Variants in KLHL3 observed in about 807,000 individuals in gnomAD.
KLHL3 encodes kelch like family member 3.
In KLHL3, 19 loss-of-function variants were observed where a neutral mutation model predicts 70.5. The ratio of observed to expected loss-of-function variants is 0.27; its 90% confidence interval spans 0.19 to 0.40. The LOEUF is 0.40. Ranked by LOEUF, KLHL3 falls within the 10% of genes least tolerant of loss-of-function variation. The pLI is 1.00. For synonymous variants in KLHL3, 258 were observed against 290.3 expected, an observed-to-expected ratio of 0.89 and a Z score of 1.13; for missense variants, 512 against 771.1, an observed-to-expected ratio of 0.66 and a Z score of 3.98.
intron 13 of KLHL3, among the ~76,000 whole-genome samples, chr5:137,626,988 T>C (rs6884515): frequency 0.56 from 84,116 of 151,074 alleles, 24,984 homozygotes; most frequent in South Asian, 0.65. Flanking sequence ...GAGAGCGAGA[T>C]CCTGTCTCAA....
chr5:137,622,422 C>T (rs1750335876), intron 14 of KLHL3, among the ~76,000 whole-genome samples: 1 of 152,246 alleles, frequency 6.6e-6, no homozygotes, highest in South Asian at 2.1e-4. Context: ...CCAGCCCTAG[C>T]ACCCAGCCCA....
chr5:137,688,439 C>T (rs534351664), intron 5 of KLHL3, among the ~76,000 whole-genome samples: 108 of 152,314 alleles, frequency 7.1e-4, no homozygotes, highest in Non-Finnish European at 1.2e-3. Context: ...ATGGCGCTTC[C>T]TCTATCCCAA....
intron 8 of KLHL3, among the ~76,000 whole-genome samples, chr5:137,640,987 G>C (rs889423782): frequency 2.2e-4 from 33 of 152,134 alleles, no homozygotes; most frequent in African/African-American, 7.5e-4. Context: ...GCAAGGGCAT[G>C]GTCAAACACA....
intron 3 of KLHL3, chr5:137,707,538 C>A (rs1219082020): frequency 6.5e-6 from 1 of 154,094 alleles, no homozygotes; most frequent in Non-Finnish European, 1.5e-5. Flanking sequence ...AGATATAAAC[C>A]ATACTCTTAC....
intron 7 of KLHL3, chr5:137,661,616 C>A (rs1751477432): frequency 4.1e-6 from 1 of 244,590 alleles, no homozygotes; most frequent in African/African-American, 2.2e-5. Flanking sequence ...CTCACAACAA[C>A]CCTGCTGGGC....
At chr5:137,722,124 T>C (rs1753008114) in intron 1 of KLHL3, among the ~76,000 whole-genome samples, 1 of 152,222 alleles carries the variant, frequency 6.6e-6, no homozygotes, top group Non-Finnish European at 1.5e-5. Context: ...TGAGCCTCTA[T>C]CCATGCTACC....
chr5:137,734,726 A>C (rs1753233784), intron 1 of KLHL3, among the ~76,000 whole-genome samples: 1 of 152,238 alleles, frequency 6.6e-6, no homozygotes, highest in Admixed American at 6.5e-5. Context: ...TTCTCTCCTC[A>C]GATAAAATGG....
intron 2 of KLHL3, among the ~76,000 whole-genome samples, chr5:137,719,424 T>C (rs561673754): frequency 1.3e-5 from 2 of 152,308 alleles, no homozygotes; most frequent in East Asian, 1.9e-4. Flanking sequence ...AGAAAAAAGA[T>C]GAAATAAACA....
At chr5:137,711,771 C>T (rs1374774198) in intron 2 of KLHL3, among the ~76,000 whole-genome samples, 1 of 152,142 alleles carries the variant, frequency 6.6e-6, no homozygotes, top group East Asian at 1.9e-4. Context: ...ATTACAGGTG[C>T]CATCTGAAAA....
chr5:137,618,677 T>C lies in KLHL3; in HGVS notation c.*3421A>G, dbSNP rs1756298835. The C allele has an allele frequency of 6.6e-6, 1 of 150,694 alleles. No individual in the cohort carries two copies. Among genetic ancestry groups the C allele is most frequent in the South Asian group, 2.1e-4 (1 of 4,784 alleles). The allele number at this position is 150,694 out of a possible 1,614,324, so 9.3% of individuals were successfully genotyped here. A position where few individuals can be genotyped will look rare whatever the true frequency, so the allele number is the denominator to read the frequency against. On this transcript the variant is annotated 3_prime_UTR_variant, in exon 15 of 15. Transcript: ENST00000309755. ...CAGGCCTTTCCCTGAGGCTTCTCCA[T>C]GCCACAGGGTACCAGGCTCAGTGCC... is the stretch of plus-strand genomic sequence containing the variant.
In KLHL3 at chr5:137,698,239, G is replaced by A. The variant is rs985150271; in HGVS notation, c.363+48C>T. 22 of 1,598,660 alleles carry A rather than the reference G, an allele frequency of 1.4e-5. No individual in the cohort carries two copies. The African/African-American group carries it at 2.6e-4, about 19-fold the overall frequency. On this transcript the variant is annotated intron_variant, in intron 4 of 14. Coordinates refer to ENST00000309755, the MANE Select transcript of KLHL3 (RefSeq NM_017415.3). Reference sequence around the variant, plus strand: ...AAATAAAATAACGCTGTAAAATGGTGGGTCCTGAGTGTGCAATACACTGAG... The same window carrying A: ...AAATAAAATAACGCTGTAAAATGGTAGGTCCTGAGTGTGCAATACACTGAG...
chr5:137,657,301 C>T (rs11750522), intron 8 of KLHL3, among the ~76,000 whole-genome samples: 144,788 of 152,200 alleles, frequency 0.95, 69,300 homozygotes, highest in East Asian at 1. Flanking sequence ...TGAGACAACA[C>T]GACCCACTCC....
chr5:137,621,777 T>TACAC lies in KLHL3; in HGVS notation c.*317_*320dup, dbSNP rs3839339. 2.2e-4 allele frequency: 69 copies of TACAC among 309,824 alleles called. No homozygotes were observed. The South Asian group carries it at 4.3e-3, about 19-fold the overall frequency. 19.2% of individuals were successfully genotyped at this position (309,824 alleles called of 1,614,324 possible). Reference sequence around the variant, plus strand: ...AGAAACATAGAGAAACACCATGGTCTACACACACACACACACACACACACA... The same window carrying TACAC: ...AGAAACATAGAGAAACACCATGGTCTACACACACACACACACACACACACACACA... On this transcript the variant is annotated 3_prime_UTR_variant, in exon 15 of 15. Coordinates refer to ENST00000309755, the MANE Select transcript of KLHL3 (RefSeq NM_017415.3).
At chr5:137,632,471 T>C (rs1750662024) in intron 12 of KLHL3, among the ~76,000 whole-genome samples, 1 of 152,098 alleles carries the variant, frequency 6.6e-6, no homozygotes, top group African/African-American at 2.4e-5. Flanking sequence ...AAAATGAAAC[T>C]AGACCTCTAT....
At chr5:137,723,221 C>G (rs542271584) in intron 1 of KLHL3, among the ~76,000 whole-genome samples, 1 of 152,204 alleles carries the variant, frequency 6.6e-6, no homozygotes, top group African/African-American at 2.4e-5. Context: ...AGGGAAAGTC[C>G]CCAGTCCTAT....
intron 2 of KLHL3, among the ~76,000 whole-genome samples, chr5:137,713,970 A>G (rs1376811485): frequency 1.3e-5 from 2 of 151,762 alleles, no homozygotes; most frequent in African/African-American, 4.8e-5. Flanking sequence ...GGTGTGCTGC[A>G]CCCATTAACT....
intron 8 of KLHL3, among the ~76,000 whole-genome samples, chr5:137,642,288 G>A (rs965669111): frequency 6.6e-6 from 1 of 152,204 alleles, no homozygotes; most frequent in Non-Finnish European, 1.5e-5. Flanking sequence ...CCCACATGCT[G>A]TTCCCTGACT....
At chr5:137,709,960 T>C (rs1057428607) in intron 2 of KLHL3, 104 bp from the exon 3 acceptor site, 2 of 852,034 alleles carry the variant, frequency 2.3e-6, no homozygotes, top group East Asian at 4.9e-5. Context: ...ACTATCACTA[T>C]ACAAAGCTGT....
intron 2 of KLHL3, among the ~76,000 whole-genome samples, chr5:137,713,115 T>G: frequency 7.6e-6 from 1 of 131,244 alleles, no homozygotes; most frequent in African/African-American, 3.0e-5. Flanking sequence ...AATTCAGACA[T>G]GGGAGATGGT....
Sources: gnomAD v4.1 joint callset for allele counts (sites outside exome capture counted in the v4.1 genomes callset) on GRCh38, gnomAD v4.1.1 for gene constraint, MANE v1.5 for transcripts, NCBI Gene and HGNC (gene_info 2026-07-23, HGNC 2026-07-21) for gene names.